Variants in DYNC2H1 observed in about 807,000 individuals in gnomAD.
DYNC2H1 encodes the protein dynein cytoplasmic 2 heavy chain 1, also known as cytoplasmic dynein 2 heavy chain 1.
In DYNC2H1, 410 loss-of-function variants were observed where a neutral mutation model predicts 570.0. The observed-to-expected ratio is 0.72, with a 90% CI of 0.66 to 0.78. The LOEUF (loss-of-function observed/expected upper bound fraction) is 0.78, where lower values mean the gene tolerates loss of function less well. Ranked by LOEUF, DYNC2H1 falls within the 30% of genes least tolerant of loss-of-function variation. DYNC2H1 has a pLI of 0.00. For missense variants in DYNC2H1, 4,865 were observed against 5,046.4 expected (o/e 0.96, Z 1.09); for synonymous variants, 1,688 against 1,677.6 (o/e 1.01, Z -0.15).
intron 6 of DYNC2H1, among the ~76,000 whole-genome samples, 155 bp downstream of exon 6, chr11:103,118,018 C>T (rs921645240): frequency 5.3e-5 from 8 of 152,132 alleles, no homozygotes; most frequent in Non-Finnish European, 8.8e-5. Context: ...CCAGTTTCTA[C>T]ATCCTTTCTT....
rs1434718265 is a variant in DYNC2H1, at chr11:103,395,171, AT to A, written c.12157-4488del. On this transcript the variant is annotated intron_variant, in intron 83 of 88. Transcript: ENST00000375735. The surrounding 1 kb of genome is among the most constrained non-coding windows in gnomAD (Gnocchi z 4.3). ...TGAACTTGCATTAATCAGTTATGACATTTTAGATTGCAAGTAATTGGAAAAC... is the reference window on the plus strand; with the variant it reads ...TGAACTTGCATTAATCAGTTATGACATTTAGATTGCAAGTAATTGGAAAAC... Among the ~76,000 whole-genome samples the A allele has an allele frequency of 6.6e-6, 1 of 152,166 alleles. No homozygotes were observed. Among genetic ancestry groups the A allele is most frequent in the Non-Finnish European group, 1.5e-5 (1 of 68,038 alleles).
rs1268025885 is a variant in DYNC2H1 at position 103,239,490 on chromosome 11, A to G, written c.9819+2951A>G. On this transcript the variant is annotated intron_variant, in intron 63 of 88. Coordinates refer to ENST00000375735, the MANE Select transcript of DYNC2H1 (RefSeq NM_001377.3). This position sits in a 1 kb window ranked among gnomAD's most constrained non-coding sequence, Gnocchi z 4.3. ...CTCATGTAATTCTCAAATCAACCCA[A>G]TCTGTTAGATTCATGTGTTATCCCT... Among the ~76,000 whole-genome samples the G allele has an allele frequency of 1.3e-5, 2 of 152,138 alleles. No individual in the cohort carries two copies. Among genetic ancestry groups the G allele is most frequent in the African/African-American group, 2.4e-5 (1 of 41,426 alleles).
intron 82 of DYNC2H1, among the ~76,000 whole-genome samples, chr11:103,336,467 C>T (rs780889294): frequency 6.7e-6 from 1 of 149,634 alleles, no homozygotes; most frequent in Admixed American, 6.7e-5. Flanking sequence ...CTATACACAC[C>T]CTTCCTATCC....
intron 83 of DYNC2H1, among the ~76,000 whole-genome samples, chr11:103,372,032 CTTTTTTT>C (rs1156605664): frequency 2.6e-5 from 1 of 38,038 alleles, no homozygotes; most frequent in Non-Finnish European, 4.4e-5. Context: ...TTGTCTTGTT[CTTTTTTT>C]TTTTTTTTTT....
intron 47 of DYNC2H1, among the ~76,000 whole-genome samples, chr11:103,195,610 T>G (rs927860939): frequency 2.0e-5 from 3 of 152,222 alleles, no homozygotes; most frequent in Admixed American, 6.5e-5. Flanking sequence ...CAAAATTGTT[T>G]TAGCTATTTC....
chr11:103,321,043 C>G lies in DYNC2H1; in HGVS notation c.11740C>G (p.Gln3914Glu), dbSNP rs1257156822. ...TAAAATTATAGGTGCCAAAGATGTA[C>G]AATGGGAATTTGTACATGGTTTACT... Reference protein sequence around the residue: ...DRLFDGAKDVQWEFVHGLLEN... With the variant: ...DRLFDGAKDVEWEFVHGLLEN... The change falls in exon 81 of 89, where the codon CAA (glutamine) becomes GAA (glutamate). Residue 3914 changes from glutamine to glutamate, a missense_variant. Around this residue, in one of 5 missense-constraint regions of DYNC2H1, gnomAD observed 2,401 missense variants for 2,454.6 expected, o/e 0.98. Coordinates refer to ENST00000375735, the MANE Select transcript of DYNC2H1 (RefSeq NM_001377.3). 1 of 1,608,832 alleles carries G rather than the reference C, an allele frequency of 6.2e-7. No individual in the cohort carries two copies. Among genetic ancestry groups the G allele is most frequent in the Non-Finnish European group, 8.5e-7 (1 of 1,177,940 alleles).
chr11:103,155,698 C>A (rs72989734), intron 25 of DYNC2H1, among the ~76,000 whole-genome samples, 197 bp downstream of exon 25: 1 of 152,152 alleles, frequency 6.6e-6, no homozygotes, highest in Non-Finnish European at 1.5e-5. Flanking sequence ...CTAGAGGATA[C>A]ACAAATCCAG....
Position 103,381,267 on chromosome 11 carries a change from A to G in DYNC2H1, c.12157-18396A>G, listed in dbSNP as rs147638526. ...TAGAATCAGCCTTCACAGAGATCCT[A>G]TATGAATCTAATAACAAATAGATGT... On this transcript the variant is annotated intron_variant, in intron 83 of 88. Transcript: ENST00000375735. Among the ~76,000 whole-genome samples the G allele has an allele frequency of 7.3e-3, 1,111 of 152,278 alleles. 6 individuals carry two copies. The highest frequency in any genetic ancestry group is 0.029 in the South Asian group (139 of 4,828).
rs1334565301 is a variant in DYNC2H1, at chr11:103,325,772, T to C, written c.12039+1782T>C. ...TGGATTCTTTGGATCGGATTTCAACTTTCTCCTGAATTTTGTTGAGCTTTT... is the reference window on the plus strand; with the variant it reads ...TGGATTCTTTGGATCGGATTTCAACCTTCTCCTGAATTTTGTTGAGCTTTT... On this transcript the variant is annotated intron_variant, in intron 82 of 88. Coordinates refer to ENST00000375735, the MANE Select transcript of DYNC2H1 (RefSeq NM_001377.3). The surrounding 1 kb of genome is among the most constrained non-coding windows in gnomAD (Gnocchi z 4.8). Among the ~76,000 whole-genome samples, 1 of 152,214 alleles carries C rather than the reference T, an allele frequency of 6.6e-6. No individual in the cohort carries two copies. The highest frequency in any genetic ancestry group is 1.9e-4 in the East Asian group (1 of 5,194).
Position 103,316,533 on chromosome 11 carries a change from GT to G in DYNC2H1, c.11650-6del. 1 of 1,534,058 alleles carries G rather than the reference GT, an allele frequency of 6.5e-7. No homozygotes were observed. Among genetic ancestry groups the G allele is most frequent in the Admixed American group, 2.1e-5 (1 of 48,108 alleles). ...GCTTAGTTGTTTACTTAAAAAAATTGTTTTTTGACAGGGTTGGACAAAGTTT... is the reference window on the plus strand; with the variant it reads ...GCTTAGTTGTTTACTTAAAAAAATTGTTTTTGACAGGGTTGGACAAAGTTT... On this transcript the variant is annotated splice_polypyrimidine_tract_variant and intron_variant, in intron 79 of 88. Transcript: ENST00000375735.
chr11:103,116,420 G>T, intron 4 of DYNC2H1, 150 bp from the exon 5 acceptor site: 1 of 444,074 alleles, frequency 2.3e-6, no homozygotes, highest in Middle Eastern at 5.9e-4. Context: ...ATTTGCATAT[G>T]GAAGTAGTTA....
chr11:103,280,791 C>G lies in DYNC2H1; in HGVS notation c.10761+378C>G, dbSNP rs1449973680. ...TTATTTATTGCTTCCACTGAACTGTCAAGAGGCAGCAGGTGAGGCATGAAG... is the reference window on the plus strand; with the variant it reads ...TTATTTATTGCTTCCACTGAACTGTGAAGAGGCAGCAGGTGAGGCATGAAG... On this transcript the variant is annotated intron_variant, in intron 71 of 88. Transcript: ENST00000375735. The surrounding 1 kb of genome is among the most constrained non-coding windows in gnomAD (Gnocchi z 4.7). 6.6e-6 allele frequency among the ~76,000 whole-genome samples: 1 copy of G among 152,032 alleles called. No individual in the cohort carries two copies. The highest frequency in any genetic ancestry group is 1.5e-5 in the Non-Finnish European group (1 of 67,966).
intron 18 of DYNC2H1, among the ~76,000 whole-genome samples, chr11:103,144,886 A>AC (rs1860155331): frequency 6.9e-6 from 1 of 145,054 alleles, no homozygotes; most frequent in African/African-American, 2.5e-5. Flanking sequence ...ATAATTAGTT[A>AC]TTTTTTTTTT....
Position 103,170,875 on chromosome 11 carries a change from T to C in DYNC2H1, c.5152-11T>C. 1.4e-6 allele frequency: 2 copies of C among 1,459,598 alleles called. No individual in the cohort carries two copies. Among genetic ancestry groups the C allele is most frequent in the South Asian group, 3.3e-5 (2 of 61,078 alleles). 90.4% of individuals were successfully genotyped at this position (1,459,598 alleles called of 1,614,324 possible). On this transcript the variant is annotated splice_polypyrimidine_tract_variant and intron_variant, in intron 33 of 88. Transcript: ENST00000375735. The surrounding 1 kb of genome is among the most constrained non-coding windows in gnomAD (Gnocchi z 4.8). ...TTTTTAATGACTATAATTTTTATTGTTGTTTTTAAGGGCATCGATGTGAAG... is the reference window on the plus strand; with the variant it reads ...TTTTTAATGACTATAATTTTTATTGCTGTTTTTAAGGGCATCGATGTGAAG...
chr11:103,437,009 T>C (rs1944087482), intron 85 of DYNC2H1, among the ~76,000 whole-genome samples: 1 of 152,138 alleles, frequency 6.6e-6, no homozygotes, highest in Admixed American at 6.6e-5. Context: ...AGATACAGTG[T>C]ACAGTGTACA....
Position 103,259,963 on chromosome 11 carries a change from C to T in DYNC2H1, c.10681C>T (p.Arg3561Cys), listed in dbSNP as rs766804374. ...ACATATGGTATATGAATATATATGT[C>T]GTTGTCTATTTAAGGTAAGAAGCAT... Reference protein sequence around the residue: ...LQHMVYEYICRCLFKADQLMF... With the variant: ...LQHMVYEYICCCLFKADQLMF... The change falls in exon 70 of 89, where the codon CGT becomes TGT. Residue 3561 changes from arginine (R) to cysteine (C), a missense_variant. Coordinates refer to ENST00000375735, the MANE Select transcript of DYNC2H1 (RefSeq NM_001377.3). 6.0e-6 allele frequency: 9 copies of T among 1,498,750 alleles called. No individual in the cohort carries two copies. In the Admixed American group the frequency reaches 6.2e-5, roughly 10 times the overall value. The allele number at this position is 1,498,750 out of a possible 1,614,324, so 92.8% of individuals were successfully genotyped here.
chr11:103,225,971 G>A (rs1863786881), intron 59 of DYNC2H1, among the ~76,000 whole-genome samples: 1 of 149,242 alleles, frequency 6.7e-6, no homozygotes, highest in Non-Finnish European at 1.5e-5. Context: ...TTTTTTTACA[G>A]CTACTGTAAA....
rs113709573 is a variant in DYNC2H1 at position 103,479,287 on chromosome 11, G to A, written c.*34G>A. The A allele has an allele frequency of 5.0e-6, 8 of 1,587,926 alleles. No homozygotes were observed. The African/African-American group carries it at 5.4e-5, about 11-fold the overall frequency. ...GACAACAAAAGCCATCTTCACAAAA[G>A]GGAACATTGATTCTTTAAGCTTTAA... On this transcript the variant is annotated 3_prime_UTR_variant, in exon 89 of 89. Coordinates refer to ENST00000375735, the MANE Select transcript of DYNC2H1 (RefSeq NM_001377.3).
chr11:103,471,536 A>T (rs915500178), intron 88 of DYNC2H1, among the ~76,000 whole-genome samples: 1 of 152,058 alleles, frequency 6.6e-6, no homozygotes, highest in Non-Finnish European at 1.5e-5. Context: ...TGAGGATTAA[A>T]TATGTTTGTG....
Sources: gnomAD v4.1 joint callset for allele counts (sites outside exome capture counted in the v4.1 genomes callset) on GRCh38, gnomAD v4.1.1 for gene constraint, gnomAD v4.1.1 regional missense constraint, Gnocchi (gnomAD v3.1) non-coding constraint, MANE v1.5 for transcripts, NCBI Gene and HGNC (gene_info 2026-07-23, HGNC 2026-07-21) for gene names.